CD320: variants seen among roughly 807,000 people sequenced by gnomAD.
The protein encoded by CD320 is CD320 antigen.
In CD320, 16 loss-of-function variants were observed where a neutral mutation model predicts 22.1. The ratio of observed to expected loss-of-function variants is 0.73; its 90% confidence interval spans 0.49 to 1.10. The LOEUF is 1.10. Among genes scored for constraint, CD320 ranks in the 50% least tolerant of loss-of-function variants. The pLI is 0.00. For synonymous variants in CD320, 188 were observed against 167.8 expected, an observed-to-expected ratio of 1.12 and a Z score of -0.93; for missense variants, 388 against 376.9, an observed-to-expected ratio of 1.03 and a Z score of -0.24.
Position 8,302,962 on chromosome 19 carries a change from G to T in CD320, c.521C>A (p.Pro174Gln). The T allele has an allele frequency of 6.2e-7, 1 of 1,613,900 alleles. No homozygotes were observed. ...ELGCGTNEILPEGDATTMGPP... is the reference protein window; with the variant it reads ...ELGCGTNEILQEGDATTMGPP... ...CCCCATGGTTGTGGCATCCCCTTCC[G>T]GGAGGATCTCATTGGTTCCTGCAAT... The change falls in exon 4 of 5, where the codon CCG becomes CAG. Residue 174 changes from proline (P) to glutamine (Q), a missense_variant. Coordinates refer to ENST00000301458, the MANE Select transcript of CD320 (RefSeq NM_016579.4).
chr19:8,303,309 A>T (rs1211616000), intron 3 of CD320, among the ~76,000 whole-genome samples: 1 of 151,732 alleles, frequency 6.6e-6, no homozygotes, highest in African/African-American at 2.4e-5. Flanking sequence ...TAGAGACAGG[A>T]TTTCGCCATG....
intron 1 of CD320, chr19:8,305,885 C>T (rs1281560518): frequency 6.6e-6 from 1 of 152,282 alleles, no homozygotes; most frequent in Non-Finnish European, 1.5e-5. Flanking sequence ...GGTCAGGCTC[C>T]CGGGCTCAGG....
chr19:8,308,010 CGATGAAGT>C, intron 1 of CD320, 131 bp downstream of exon 1: 3 of 911,304 alleles, frequency 3.3e-6, no homozygotes, highest in Non-Finnish European at 4.7e-6. Flanking sequence ...TTCCCACAAG[CGATGAAGT>C]CCAAGTCCAC....
At chr19:8,307,384 C>T (rs1480579186) in intron 1 of CD320, among the ~76,000 whole-genome samples, 2 of 151,618 alleles carry the variant, frequency 1.3e-5, no homozygotes, top group East Asian at 1.9e-4. Flanking sequence ...ACGTGAATGT[C>T]AGGGACTTTG....
In CD320 at chr19:8,305,112, T is replaced by C. The variant is rs1335069276; in HGVS notation, c.187A>G (p.Thr63Ala). ...GTGAGGGGCACGCATAAGCCACTGG[T>C]GCGGCACTGGAACTTGGTGGGTGGG... ...SCPPTKFQCR[T>A]SGLCVPLTWR... The change falls in exon 2 of 5, where the codon ACC (threonine) becomes GCC (alanine). Residue 63 changes from threonine to alanine, a missense_variant. Physicochemically the swap from Thr to Ala is moderately conservative, Grantham distance 58. Transcript: ENST00000301458. 18 of 1,612,944 alleles carry C rather than the reference T, an allele frequency of 1.1e-5. No individual in the cohort carries two copies. Among genetic ancestry groups the C allele is most frequent in the Admixed American group, 3.3e-5 (2 of 59,924 alleles).
chr19:8,305,566 C>T (rs980809024), intron 1 of CD320: 7 of 241,022 alleles, frequency 2.9e-5, no homozygotes, highest in African/African-American at 8.9e-5. Flanking sequence ...ATTAGCCGGG[C>T]GTGGTAGTGC....
intron 1 of CD320, among the ~76,000 whole-genome samples, 196 bp downstream of exon 1, chr19:8,307,953 C>T (rs1970117899): frequency 6.6e-6 from 1 of 152,172 alleles, no homozygotes; most frequent in African/African-American, 2.4e-5. Context: ...TGGAGACACC[C>T]TCCTCCCCTC....
At position 8,302,416 on chromosome 19, in the gene CD320, T is replaced by A; in HGVS notation, c.*47A>T. ...CATCCGCATCACTGCTCTCCTCCTG[T>A]CCGGCTACGCCCAGGGCTGAGTGAC... On this transcript the variant is annotated 3_prime_UTR_variant, in exon 5 of 5. Coordinates refer to ENST00000301458, the MANE Select transcript of CD320 (RefSeq NM_016579.4). The A allele has an allele frequency of 2.5e-6, 4 of 1,613,270 alleles. No homozygotes were observed. The highest frequency in any genetic ancestry group is 3.4e-6 in the Non-Finnish European group (4 of 1,179,540).
chr19:8,305,166 G>A lies in CD320; in HGVS notation c.143-10C>T. 1.9e-6 allele frequency: 3 copies of A among 1,589,708 alleles called. No homozygotes were observed. Among genetic ancestry groups the A allele is most frequent in the African/African-American group, 1.3e-5 (1 of 74,504 alleles). On this transcript the variant is annotated splice_polypyrimidine_tract_variant and intron_variant, in intron 1 of 4. Coordinates refer to ENST00000301458, the MANE Select transcript of CD320 (RefSeq NM_016579.4). ...GAGCCTGAGCTGGGGCCTGCGAGATGGATGCAAATGAAGCCTGGGAAGCTG... is the reference window on the plus strand; with the variant it reads ...GAGCCTGAGCTGGGGCCTGCGAGATAGATGCAAATGAAGCCTGGGAAGCTG...
rs1213097595 is a variant in CD320 at position 8,305,260 on chromosome 19, G to A, written c.143-104C>T. 69 of 1,406,152 alleles carry A rather than the reference G, an allele frequency of 4.9e-5. No homozygotes were observed. In the East Asian group the frequency reaches 1.1e-3, roughly 23 times the overall value. 87.1% of individuals were successfully genotyped at this position (1,406,152 alleles called of 1,614,324 possible). On this transcript the variant is annotated intron_variant, in intron 1 of 4. Transcript: ENST00000301458. ...ATCCGCAGGAGACAGGCGAAGTCCC[G>A]GGATATAGGAACCACACTGGCGGCT... is the stretch of plus-strand genomic sequence containing the variant.
intron 4 of CD320, 47 bp downstream of exon 4, chr19:8,302,730 T>A: frequency 6.2e-7 from 1 of 1,602,500 alleles, no homozygotes; most frequent in Non-Finnish European, 8.5e-7. Context: ...CTCCCCTGAA[T>A]CCCCGGAGCT....
In CD320 at chr19:8,304,032, G is replaced by T. The variant is rs1304680561; in HGVS notation, c.325C>A (p.Pro109Thr). 1.9e-6 allele frequency: 3 copies of T among 1,562,842 alleles called. No individual in the cohort carries two copies. The highest frequency in any genetic ancestry group is 2.7e-5 in the African/African-American group (2 of 73,584). ...QCPPPPGLPC[P>T]CTGVSDCSGG... ...GAGCAGTCACTGACGCCGGTGCAGG[G>T]GCAGGGGAGGCCAGGGGGCGGTGGG... The change falls in exon 3 of 5, where the codon CCC becomes ACC. Residue 109 changes from proline (P) to threonine (T), a missense_variant. Pro to Thr is a conservative substitution (Grantham distance 38). Coordinates refer to ENST00000301458, the MANE Select transcript of CD320 (RefSeq NM_016579.4).
chr19:8,303,910 C>A lies in CD320; in HGVS notation c.447G>T (p.Thr149=), dbSNP rs2232783. ...AGTCTGGGTGGCCGTCGCAGCGCCA[C>A]GTGAGTGGAATGCAGTCATCGCTCA... is the stretch of plus-strand genomic sequence containing the variant. ...CTLSDDCIPL[T]WRCDGHPDCP... is the part of the protein sequence containing the mutation. The change falls in exon 3 of 5, where the codon ACG becomes ACT. Residue 149 remains threonine, a synonymous_variant. Transcript: ENST00000301458. 0.05 allele frequency: 80,734 copies of A among 1,605,668 alleles called. 4,805 individuals carry two copies. Among genetic ancestry groups the A allele is most frequent in the African/African-American group, 0.31 (22,959 of 74,826 alleles).
intron 3 of CD320, 92 bp from the exon 4 acceptor site, chr19:8,303,072 C>A (rs967442273): frequency 1.8e-5 from 17 of 966,506 alleles, no homozygotes; most frequent in Non-Finnish European, 2.6e-5. Flanking sequence ...GGTTTATCCT[C>A]AACCAACCAG....
chr19:8,305,042 T>A lies in CD320; in HGVS notation c.257A>T (p.Glu86Val). Reference sequence around the variant, plus strand: ...GCGTGGCCACTCACTGCACTCCTCCTCATCGCTGCCATCGCTGCAGTCCAA... The same window carrying A: ...GCGTGGCCACTCACTGCACTCCTCCACATCGCTGCCATCGCTGCAGTCCAA... Reference protein sequence around the residue: ...RDLDCSDGSDEEECRIEPCTQ... With the variant: ...RDLDCSDGSDVEECRIEPCTQ... Residue 86 changes from glutamate to valine, a missense_variant, in exon 2 of 5, where the codon GAG becomes GTG. Transcript: ENST00000301458. 6.2e-7 allele frequency: 1 copy of A among 1,608,706 alleles called. No individual in the cohort carries two copies. The highest frequency in any genetic ancestry group is 1.1e-5 in the South Asian group (1 of 91,068).
chr19:8,303,767 T>G (rs1285568674), intron 3 of CD320, 88 bp downstream of exon 3: 1 of 866,238 alleles, frequency 1.2e-6, no homozygotes, highest in Non-Finnish European at 1.9e-6. Context: ...CAAAGGCATG[T>G]GTCCACGCCC....
intron 1 of CD320, among the ~76,000 whole-genome samples, chr19:8,306,541 C>T (rs550560567): frequency 1.1e-4 from 16 of 152,304 alleles, no homozygotes; most frequent in African/African-American, 3.4e-4. Flanking sequence ...GTGGCAAATC[C>T]GCCACCCTGG....
In CD320 at chr19:8,304,888, T is replaced by G. The variant is rs139304187; in HGVS notation, c.268+143A>C. ...AGCCCAAGCCCATCTTAGACCCCGC[T>G]TCTTATGACCCACAGACCCAAGTCG... On this transcript the variant is annotated intron_variant, in intron 2 of 4. Coordinates refer to ENST00000301458, the MANE Select transcript of CD320 (RefSeq NM_016579.4). The G allele has an allele frequency of 5.4e-6, 5 of 929,004 alleles. 1 individual carries two copies. Among genetic ancestry groups the G allele is most frequent in the African/African-American group, 3.3e-5 (2 of 61,190 alleles). 57.5% of individuals were successfully genotyped at this position (929,004 alleles called of 1,614,324 possible).
rs1436898075 is a variant in CD320, at chr19:8,302,862, A to T, written c.621T>A (p.Ser207Arg). ...ATGTGGCATTCCCGACAGAGGGGAC[A>T]CTCTCCAGGGTCACAGGGGGCCCCA... ...TTMGPPVTLE[S>R]VPSVGNATSS... The change falls in exon 4 of 5, where the codon AGT becomes AGA. Residue 207 changes from serine (S) to arginine (R), a missense_variant. Physicochemically the swap from Ser to Arg is moderately radical, Grantham distance 110. Coordinates refer to ENST00000301458, the MANE Select transcript of CD320 (RefSeq NM_016579.4). The T allele has an allele frequency of 1.2e-6, 2 of 1,612,454 alleles. No individual in the cohort carries two copies. The highest frequency in any genetic ancestry group is 1.1e-5 in the South Asian group (1 of 90,948).
Sources: allele counts gnomAD v4.1 joint callset (sites outside exome capture counted in the v4.1 genomes callset), GRCh38; gene constraint gnomAD v4.1.1; transcripts MANE v1.5; gene names NCBI Gene and HGNC (gene_info 2026-07-23, HGNC 2026-07-21).